SPTBN4: variants seen among roughly 807,000 people sequenced by gnomAD.
SPTBN4 encodes the protein spectrin beta, non-erythrocytic 4, also known as spectrin beta chain, non-erythrocytic 4.
A neutral mutation model predicts 277.8 loss-of-function variants in SPTBN4; 96 were observed. The observed-to-expected ratio is 0.35, with a 90% CI of 0.29 to 0.41. The LOEUF is 0.41. Ranked by LOEUF, SPTBN4 falls within the 10% of genes least tolerant of loss-of-function variation. The pLI is 1.00. For synonymous variants in SPTBN4, 1,481 were observed against 1,580.3 expected, an observed-to-expected ratio of 0.94 and a Z score of 1.49; for missense variants, 3,006 against 3,595.7, an observed-to-expected ratio of 0.84 and a Z score of 4.19.
intron 14 of SPTBN4, among the ~76,000 whole-genome samples, chr19:40,514,089 T>A (rs1190702715): frequency 6.6e-6 from 1 of 152,248 alleles, no homozygotes; most frequent in Non-Finnish European, 1.5e-5. Flanking sequence ...GACTTGTCTG[T>A]TGGCTGACTT....
chr19:40,493,803 C>G (rs1425134913), intron 5 of SPTBN4, among the ~76,000 whole-genome samples: 2 of 152,130 alleles, frequency 1.3e-5, no homozygotes, highest in Non-Finnish European at 2.9e-5. Flanking sequence ...CCTCAGAGAC[C>G]AATGCTGGAA....
At chr19:40,494,717 G>C (rs527450165) in intron 5 of SPTBN4, among the ~76,000 whole-genome samples, 180 bp from the exon 6 acceptor site, 1 of 151,344 alleles carries the variant, frequency 6.6e-6, no homozygotes, top group Non-Finnish European at 1.5e-5. Context: ...TCATCTATCT[G>C]TGTATCTACC....
rs2080125508 is a variant in SPTBN4, at chr19:40,490,552, T to G, written c.495+304T>G. ...ACCAGTGAGGAAATGGAAGCCCAGA[T>G]AGGTGGTGTCATCTGCCCAAGATCA... On this transcript the variant is annotated intron_variant, in intron 4 of 35. Coordinates refer to ENST00000598249, the MANE Select transcript of SPTBN4 (RefSeq NM_020971.3). The surrounding 1 kb of genome is among the most constrained non-coding windows in gnomAD (Gnocchi z 4.3). Among the ~76,000 whole-genome samples the G allele has an allele frequency of 6.6e-6, 1 of 152,098 alleles. No individual in the cohort carries two copies. The highest frequency in any genetic ancestry group is 2.4e-5 in the African/African-American group (1 of 41,422).
rs1239957764 is a variant in SPTBN4, at chr19:40,472,667, G to A, written c.46G>A (p.Ala16Thr). ...AGTGGACAACATGGAGGGCCTGCCT[G>A]CTCCTAACAACAACCCTGCTGCCCG... The part of the protein sequence containing the change: ...GEVDNMEGLP[A>T]PNNNPAARWE... The change falls in exon 2 of 36, where the codon GCT becomes ACT. Residue 16 changes from alanine to threonine, a missense_variant. Ala to Thr is a moderately conservative substitution (Grantham distance 58, BLOSUM62 0). Around this residue, in one of 5 missense-constraint regions of SPTBN4, gnomAD observed 78 missense variants for 65.7 expected, o/e 1.19. Coordinates refer to ENST00000598249, the MANE Select transcript of SPTBN4 (RefSeq NM_020971.3). The A allele has an allele frequency of 6.2e-7, 1 of 1,613,910 alleles. No homozygotes were observed. Among genetic ancestry groups the A allele is most frequent in the South Asian group, 1.1e-5 (1 of 91,032 alleles).
chr19:40,487,708 G>A lies in SPTBN4; in HGVS notation c.181G>A (p.Ala61Thr), dbSNP rs781304138. The change falls in exon 3 of 36, where the codon GCC (alanine) becomes ACC (threonine). Residue 61 changes from alanine to threonine, a missense_variant. Physicochemically the swap from Ala to Thr is moderately conservative, Grantham distance 58 (BLOSUM62 0). Transcript: ENST00000598249. ...RIKALADERE[A>T]VQKKTFTKWV... The stretch of plus-strand genomic sequence containing the variant: ...GGCCTCTCCTCCAGATGAGCGGGAA[G>A]CCGTGCAGAAGAAAACCTTCACCAA... 3 of 1,612,354 alleles carry A rather than the reference G, an allele frequency of 1.9e-6. No individual in the cohort carries two copies. The highest frequency in any genetic ancestry group is 2.5e-6 in the Non-Finnish European group (3 of 1,179,212).
intron 26 of SPTBN4, among the ~76,000 whole-genome samples, chr19:40,557,751 C>A (rs2080998345): frequency 6.6e-6 from 1 of 151,968 alleles, no homozygotes; most frequent in South Asian, 2.1e-4. Flanking sequence ...AACCCCATCT[C>A]TACTAAAAAT....
chr19:40,502,331 G>A lies in SPTBN4; in HGVS notation c.1085+16G>A, dbSNP rs746201235. On this transcript the variant is annotated intron_variant, in intron 9 of 35. Transcript: ENST00000598249. This position sits in a 1 kb window ranked among gnomAD's most constrained non-coding sequence, Gnocchi z 4.9. ...AGCCTGTCAAGTGAGGCCCAGCTCT[G>A]GAGGGAGGGTGGGCAGGGGTGGCAT... 7.4e-6 allele frequency: 12 copies of A among 1,611,134 alleles called. No individual in the cohort carries two copies. The highest frequency in any genetic ancestry group is 2.2e-5 in the East Asian group (1 of 44,816).
At chr19:40,566,421 T>G (rs2081092969) in intron 30 of SPTBN4, 62 bp downstream of exon 30, 2 of 1,394,712 alleles carry the variant, frequency 1.4e-6, no homozygotes, top group Non-Finnish European at 1.9e-6. Flanking sequence ...CACCCATGGC[T>G]CTATATGAGA....
intron 13 of SPTBN4, among the ~76,000 whole-genome samples, chr19:40,511,768 C>T (rs1171411073): frequency 6.6e-6 from 1 of 151,964 alleles, no homozygotes; most frequent in Non-Finnish European, 1.5e-5. Flanking sequence ...TGCAGATAAC[C>T]ACTGGGATTG....
At chr19:40,507,342 AG>A (rs2080342060) in intron 13 of SPTBN4, among the ~76,000 whole-genome samples, 1 of 151,668 alleles carries the variant, frequency 6.6e-6, no homozygotes, top group Non-Finnish European at 1.5e-5. Context: ...AAAAAAAAAA[AG>A]TCTGGGGAAG....
At chr19:40,541,894 A>G (rs2080806097) in intron 20 of SPTBN4, among the ~76,000 whole-genome samples, 1 of 150,086 alleles carries the variant, frequency 6.7e-6, no homozygotes, top group Admixed American at 6.6e-5. Context: ...ACCCGCCACC[A>G]TGCCTGGCTA....
intron 20 of SPTBN4, among the ~76,000 whole-genome samples, chr19:40,545,780 G>A (rs745537404): frequency 4.6e-5 from 7 of 151,766 alleles, no homozygotes; most frequent in Middle Eastern, 3.4e-3. Context: ...GGTGGCTCAC[G>A]CCTGTAATCC....
chr19:40,574,107 AAAAC>A (rs1044234608), intron 35 of SPTBN4, among the ~76,000 whole-genome samples: 22 of 144,454 alleles, frequency 1.5e-4, no homozygotes, highest in African/African-American at 3.8e-4. Flanking sequence ...ATCTCAAAAC[AAAAC>A]AAACAAACAA....
chr19:40,469,869 C>T (rs1273186678), intron 1 of SPTBN4, among the ~76,000 whole-genome samples: 1 of 152,000 alleles, frequency 6.6e-6, no homozygotes, highest in Non-Finnish European at 1.5e-5. Flanking sequence ...GTCTGGAACT[C>T]CTGACCTCAG....
intron 6 of SPTBN4, among the ~76,000 whole-genome samples, chr19:40,495,926 C>G (rs1239300896): frequency 2.0e-5 from 3 of 152,150 alleles, no homozygotes; most frequent in Admixed American, 6.5e-5. Context: ...CACTCACAAT[C>G]CCTGCTTCTC....
At chr19:40,527,184 CCTCT>C (rs1251967570) in intron 17 of SPTBN4, among the ~76,000 whole-genome samples, 2 of 152,102 alleles carry the variant, frequency 1.3e-5, no homozygotes, top group South Asian at 2.1e-4. Flanking sequence ...TTTCCTGCTC[CCTCT>C]CTGTTTTTCT....
At chr19:40,573,514 A>G (rs980190552) in intron 35 of SPTBN4, among the ~76,000 whole-genome samples, 1 of 152,184 alleles carries the variant, frequency 6.6e-6, no homozygotes, top group Non-Finnish European at 1.5e-5. Flanking sequence ...CTGGAGAGCT[A>G]GGGGGGATTA....
chr19:40,483,566 A>G (rs560755528), intron 2 of SPTBN4, among the ~76,000 whole-genome samples: 5 of 152,328 alleles, frequency 3.3e-5, no homozygotes, highest in Admixed American at 2.6e-4. Flanking sequence ...AAATATTAAC[A>G]GTAAATGCAA....
In SPTBN4 at chr19:40,570,461, T is replaced by A. The variant is rs2081143390; in HGVS notation, c.7052T>A (p.Leu2351His). 6.4e-7 allele frequency: 1 copy of A among 1,562,120 alleles called. No homozygotes were observed. Among genetic ancestry groups the A allele is most frequent in the Non-Finnish European group, 8.6e-7 (1 of 1,162,902 alleles). Residue 2351 changes from leucine (L) to histidine (H), a missense_variant, in exon 33 of 36, where the codon CTT becomes CAT. Physicochemically the swap from Leu to His is moderately conservative, Grantham distance 99. Transcript: ENST00000598249. Reference protein sequence around the residue: ...AGPSLPQPRELPPGRLPNGLE... With the variant: ...AGPSLPQPREHPPGRLPNGLE... ...CCGTCGCTGCCTCAGCCACGCGAGC[T>A]TCCCCCAGGTCGCCTGCCCAACGGG...
Sources: gnomAD v4.1 joint callset for allele counts (sites outside exome capture counted in the v4.1 genomes callset) on GRCh38, gnomAD v4.1.1 for gene constraint, gnomAD v4.1.1 regional missense constraint, Gnocchi (gnomAD v3.1) non-coding constraint, MANE v1.5 for transcripts, NCBI Gene and HGNC (gene_info 2026-07-23, HGNC 2026-07-21) for gene names.